Variants in FBXL19 observed in about 807,000 individuals in gnomAD.
FBXL19 encodes the protein F-box/LRR-repeat protein 19.
A neutral mutation model predicts 71.2 loss-of-function variants in FBXL19; 16 were observed. The ratio of observed to expected loss-of-function variants is 0.22; its 90% CI spans 0.15 to 0.34. The LOEUF (loss-of-function observed/expected upper bound fraction) is 0.34, where lower values mean the gene tolerates loss of function less well. FBXL19 is among the 10% of genes least tolerant of loss of function. FBXL19 has a pLI of 1.00. For synonymous variants in FBXL19, 447 were observed against 409.4 expected (o/e 1.09, Z -1.11); for missense variants, 658 against 968.2 (o/e 0.68, Z 4.25).
chr16:30,946,624 C>T lies in FBXL19; in HGVS notation c.1628-106C>T. 9.3e-7 allele frequency: 1 copy of T among 1,079,170 alleles called. No individual in the cohort carries two copies. The highest frequency in any genetic ancestry group is 1.3e-6 in the Non-Finnish European group (1 of 747,412). 66.8% of individuals were successfully genotyped at this position (1,079,170 alleles called of 1,614,324 possible). A position where few individuals can be genotyped will look rare whatever the true frequency, so the allele number is the denominator to read the frequency against. On this transcript the variant is annotated intron_variant, in intron 9 of 10. Transcript: ENST00000338343. This position sits in a 1 kb window ranked among gnomAD's most constrained non-coding sequence, Gnocchi z 6.7. ...GAGAAGAGCAAGCCACAGAGTGCAC[C>T]AGGTCACTCACTTATGTGGGAAGCA...
At position 30,927,432 on chromosome 16, in the gene FBXL19, T is replaced by C. The variant is rs2055604992; in HGVS notation, c.302T>C (p.Val101Ala). 1 of 1,591,704 alleles carries C rather than the reference T, an allele frequency of 6.3e-7. No individual in the cohort carries two copies. Among genetic ancestry groups the C allele is most frequent in the Non-Finnish European group, 8.6e-7 (1 of 1,169,112 alleles). Residue 101 changes from valine to alanine, a missense_variant, in exon 3 of 11, where the codon GTC becomes GCC. Transcript: ENST00000338343. ...GAGTGTACAATCTGCAACGAGATCG[T>C]CCACCCCGGCTGCCTGAAGGTGATG... is the stretch of plus-strand genomic sequence containing the variant. The part of the protein sequence containing the change: ...LMECTICNEI[V>A]HPGCLKMGKA...
At position 30,924,429 on chromosome 16, in the gene FBXL19, A is replaced by C; in HGVS notation, c.-55A>C. 1 of 276,920 alleles carries C rather than the reference A, an allele frequency of 3.6e-6. No homozygotes were observed. Among genetic ancestry groups the C allele is most frequent in the Non-Finnish European group, 6.7e-6 (1 of 149,840 alleles). The allele number at this position is 276,920 out of a possible 1,614,324, so 17.2% of individuals were successfully genotyped here. On this transcript the variant is annotated 5_prime_UTR_variant, in exon 1 of 11. Transcript: ENST00000338343. ...GCCGACCCGCCGGGAGCTGCCGAGAAGGGAGAGATGGCTCCCGGGACACGT... is the reference window on the plus strand; with the variant it reads ...GCCGACCCGCCGGGAGCTGCCGAGACGGGAGAGATGGCTCCCGGGACACGT...
In FBXL19 at chr16:30,942,349, G is replaced by A. The variant is rs1234082691; in HGVS notation, c.1466-26G>A. 1.2e-6 allele frequency: 2 copies of A among 1,606,166 alleles called. No individual in the cohort carries two copies. Among genetic ancestry groups the A allele is most frequent in the Non-Finnish European group, 8.5e-7 (1 of 1,175,534 alleles). On this transcript the variant is annotated intron_variant, in intron 8 of 10. Transcript: ENST00000338343. This position sits in a 1 kb window ranked among gnomAD's most constrained non-coding sequence, Gnocchi z 5.7. ...CTGGGATGGAGTCCTCACAGCACCT[G>A]CTTCCTGACTGCCCCCTCTCCGCAG...
chr16:30,933,067 C>A (rs2055693057), intron 7 of FBXL19, among the ~76,000 whole-genome samples: 1 of 151,856 alleles, frequency 6.6e-6, no homozygotes, highest in Non-Finnish European at 1.5e-5. Flanking sequence ...TTGGCGCAAT[C>A]TCAGCTCACC....
intron 7 of FBXL19, among the ~76,000 whole-genome samples, chr16:30,940,243 A>G (rs1273188813): frequency 6.7e-6 from 1 of 149,806 alleles, no homozygotes; most frequent in Admixed American, 6.7e-5. Flanking sequence ...GGGCAACAAG[A>G]GCGAAACTCT....
intron 7 of FBXL19, among the ~76,000 whole-genome samples, chr16:30,934,672 G>A (rs890334824): frequency 2.0e-5 from 3 of 151,212 alleles, no homozygotes; most frequent in Admixed American, 6.6e-5. Flanking sequence ...AAAAAAATGT[G>A]GAATGGCTTG....
rs2055890044 is a variant in FBXL19, at chr16:30,948,391, T to A, written c.*1161T>A. 2 of 152,420 alleles carry A rather than the reference T, an allele frequency of 1.3e-5. No homozygotes were observed. Among genetic ancestry groups the A allele is most frequent in the Non-Finnish European group, 2.9e-5 (2 of 68,148 alleles). The allele number at this position is 152,420 out of a possible 1,614,324, so 9.4% of individuals were successfully genotyped here. Reference sequence around the variant, plus strand: ...AGGCTGGAAATGGCCCCCTCTTAGTTGCCATGGGAACCTAGTAACAGACTC... The same window carrying A: ...AGGCTGGAAATGGCCCCCTCTTAGTAGCCATGGGAACCTAGTAACAGACTC... On this transcript the variant is annotated 3_prime_UTR_variant, in exon 11 of 11. Transcript: ENST00000338343.
chr16:30,946,640 G>A lies in FBXL19; in HGVS notation c.1628-90G>A, dbSNP rs1443681411. The A allele has an allele frequency of 7.8e-6, 10 of 1,282,660 alleles. No homozygotes were observed. Among genetic ancestry groups the A allele is most frequent in the South Asian group, 1.4e-5 (1 of 72,490 alleles). The allele number at this position is 1,282,660 out of a possible 1,614,324, so 79.5% of individuals were successfully genotyped here. On this transcript the variant is annotated intron_variant, in intron 9 of 10. Transcript: ENST00000338343. This position sits in a 1 kb window ranked among gnomAD's most constrained non-coding sequence, Gnocchi z 6.7. ...AGAGTGCACCAGGTCACTCACTTAT[G>A]TGGGAAGCAGGTGGAGGGCAGATGG...
Position 30,946,683 on chromosome 16 carries a change from A to T in FBXL19, c.1628-47A>T. 6.4e-7 allele frequency: 1 copy of T among 1,553,684 alleles called. No individual in the cohort carries two copies. ...GCAGATGGTCTGGATACCTGGGCGC[A>T]GGGATGGGAGTGGCCAGGAGTGCTG... On this transcript the variant is annotated intron_variant, in intron 9 of 10. Transcript: ENST00000338343. The surrounding 1 kb of genome is among the most constrained non-coding windows in gnomAD (Gnocchi z 6.7).
intron 7 of FBXL19, among the ~76,000 whole-genome samples, chr16:30,937,405 ACT>A (rs2055751177): frequency 6.6e-6 from 1 of 151,512 alleles, no homozygotes; most frequent in Non-Finnish European, 1.5e-5. Context: ...CCTTGAGGTG[ACT>A]CTTACCATGC....
Position 30,930,077 on chromosome 16 carries a change from C to T in FBXL19, c.794C>T (p.Pro265Leu). Reference sequence around the variant, plus strand: ...ATCAACCCTGTCTCCCTGCAGAAACCAAAGCCGCCTTTGGCCTCTGCAGAG... The same window carrying T: ...ATCAACCCTGTCTCCCTGCAGAAACTAAAGCCGCCTTTGGCCTCTGCAGAG... The part of the protein sequence containing the change: ...PGLPPENWEK[P>L]KPPLASAEGP... Residue 265 changes from proline (P) to leucine (L), a missense_variant, in exon 7 of 11, where the codon CCA becomes CTA. Pro to Leu is a moderately conservative substitution (Grantham distance 98). Coordinates refer to ENST00000338343, the MANE Select transcript of FBXL19 (RefSeq NM_001382779.1). The surrounding 1 kb of genome is among the most constrained non-coding windows in gnomAD (Gnocchi z 8.5). 6.2e-7 allele frequency: 1 copy of T among 1,610,094 alleles called. No individual in the cohort carries two copies. The highest frequency in any genetic ancestry group is 1.7e-5 in the Admixed American group (1 of 59,878).
intron 7 of FBXL19, among the ~76,000 whole-genome samples, chr16:30,934,393 C>T (rs2055708569): frequency 6.6e-6 from 1 of 150,878 alleles, no homozygotes; most frequent in African/African-American, 2.4e-5. Flanking sequence ...CACGGTGGCT[C>T]ACGCCTGTAA....
At position 30,931,099 on chromosome 16, in the gene FBXL19, C is replaced by T. The variant is rs146799462; in HGVS notation, c.1301+515C>T. On this transcript the variant is annotated intron_variant, in intron 7 of 10. Coordinates refer to ENST00000338343, the MANE Select transcript of FBXL19 (RefSeq NM_001382779.1). Reference sequence around the variant, plus strand: ...ACAGCCAGGCTTGAACCTCCTGACTCGGTTCCTGCTTTCCTTCTGCCCTGG... The same window carrying T: ...ACAGCCAGGCTTGAACCTCCTGACTTGGTTCCTGCTTTCCTTCTGCCCTGG... Among the ~76,000 whole-genome samples, 760 of 152,246 alleles carry T rather than the reference C, an allele frequency of 5.0e-3. 9 individuals carry two copies. Among genetic ancestry groups the T allele is most frequent in the African/African-American group, 0.018 (741 of 41,536 alleles).
At chr16:30,928,055 G>C in intron 5 of FBXL19, 92 bp downstream of exon 5, 1 of 910,920 alleles carries the variant, frequency 1.1e-6, no homozygotes. Flanking sequence ...GGGCCTGGGA[G>C]CGTGCTCTGT....
At chr16:30,931,723 CTTTTTA>C (rs1206527605) in intron 7 of FBXL19, among the ~76,000 whole-genome samples, 1 of 151,974 alleles carries the variant, frequency 6.6e-6, no homozygotes, top group African/African-American at 2.4e-5. Flanking sequence ...GTGACAGAAT[CTTTTTA>C]TTTTTATTTT....
rs773829319 is a variant in FBXL19 at position 30,930,516 on chromosome 16, C to A, written c.1233C>A (p.Arg411=). The A allele has an allele frequency of 3.9e-6, 6 of 1,523,290 alleles. No homozygotes were observed. Among genetic ancestry groups the A allele is most frequent in the Non-Finnish European group, 5.3e-6 (6 of 1,141,956 alleles). The allele number at this position is 1,523,290 out of a possible 1,614,324, so 94.4% of individuals were successfully genotyped here. Residue 411 remains arginine (R), a synonymous_variant, in exon 7 of 11, where the codon CGC becomes CGA. Coordinates refer to ENST00000338343, the MANE Select transcript of FBXL19 (RefSeq NM_001382779.1). The surrounding 1 kb of genome is among the most constrained non-coding windows in gnomAD (Gnocchi z 8.5). ...DHPLPRAAWL[R]VFQHLGPREL... is the part of the protein sequence containing the mutation. Reference sequence around the variant, plus strand: ...CCCTGCCCCGGGCCGCCTGGCTTCGCGTCTTCCAGCACCTCGGGCCGCGGG... The same window carrying A: ...CCCTGCCCCGGGCCGCCTGGCTTCGAGTCTTCCAGCACCTCGGGCCGCGGG...
intron 7 of FBXL19, among the ~76,000 whole-genome samples, chr16:30,933,743 G>A (rs1014548155): frequency 1.1e-4 from 17 of 150,930 alleles, no homozygotes; most frequent in South Asian, 8.3e-4. Context: ...GAGCCACTGC[G>A]CCCGGCCAAG....
intron 2 of FBXL19, 122 bp downstream of exon 2, chr16:30,926,053 C>T (rs913813165): frequency 1.3e-5 from 17 of 1,331,836 alleles, no homozygotes; most frequent in African/African-American, 1.2e-4. Flanking sequence ...CATTTCTTCC[C>T]TTCATTCACT....
rs900960738 is a variant in FBXL19 at position 30,946,348 on chromosome 16, C to T, written c.1628-382C>T. Among the ~76,000 whole-genome samples, 39 of 152,218 alleles carry T rather than the reference C, an allele frequency of 2.6e-4. No homozygotes were observed. Among genetic ancestry groups the T allele is most frequent in the African/African-American group, 8.4e-4 (35 of 41,546 alleles). On this transcript the variant is annotated intron_variant, in intron 9 of 10. Transcript: ENST00000338343. This position sits in a 1 kb window ranked among gnomAD's most constrained non-coding sequence, Gnocchi z 6.7. The stretch of plus-strand genomic sequence containing the variant: ...CCTCCTGAGTAGCCGGGATTACAGG[C>T]GCCTGCCACCATACCCGGCTAATTT...
Sources: allele counts gnomAD v4.1 joint callset (sites outside exome capture counted in the v4.1 genomes callset), GRCh38; gene constraint gnomAD v4.1.1; non-coding constraint Gnocchi (gnomAD v3.1); transcripts MANE v1.5; gene names NCBI Gene and HGNC (gene_info 2026-07-23, HGNC 2026-07-21).